The following ANKRD30B variants were observed in gnomAD, a reference collection of about 807,000 sequenced individuals.
The protein encoded by ANKRD30B is ankyrin repeat domain-containing protein 30B.
A neutral mutation model predicts 202.2 loss-of-function variants in ANKRD30B; 144 were observed. The observed-to-expected ratio is 0.71, with a 90% CI of 0.62 to 0.82. The LOEUF (loss-of-function observed/expected upper bound fraction) is 0.82, where lower values mean the gene tolerates loss of function less well. Ranked by LOEUF, ANKRD30B falls within the 40% of genes least tolerant of loss-of-function variation. The pLI is 0.00. For synonymous variants in ANKRD30B, 508 were observed against 561.3 expected, an observed-to-expected ratio of 0.91 and a Z score of 1.34; for missense variants, 1,487 against 1,669.1, an observed-to-expected ratio of 0.89 and a Z score of 1.90.
the ANKRD30B span, among the ~76,000 whole-genome samples, chr18:14,893,006 C>T: frequency 6.6e-6 from 1 of 151,616 alleles, no homozygotes; most frequent in Admixed American, 6.6e-5. Flanking sequence ...ACCAAAAATT[C>T]TTTGTAAAGA....
At chr18:14,853,325 A>G (rs1423653051) in intron 42 of ANKRD30B, among the ~76,000 whole-genome samples, 3 of 152,160 alleles carry the variant, frequency 2.0e-5, no homozygotes, top group Admixed American at 6.5e-5. Context: ...GGAGAGAAAC[A>G]TAGGAGCTGA....
At chr18:14,846,688 T>C (rs1005586405) in intron 39 of ANKRD30B, among the ~76,000 whole-genome samples, 22 of 152,102 alleles carry the variant, frequency 1.4e-4, no homozygotes, top group Non-Finnish European at 2.6e-4. Flanking sequence ...CCTTGTTTAT[T>C]GCTGGTAATG....
chr18:14,777,832 A>G (rs1967474029), intron 9 of ANKRD30B, among the ~76,000 whole-genome samples, 153 bp from the exon 10 acceptor site: 1 of 151,972 alleles, frequency 6.6e-6, no homozygotes, highest in African/African-American at 2.4e-5. Flanking sequence ...AGTCCCAGCT[A>G]CTCAGGAGGC....
In ANKRD30B at chr18:14,854,638, C is replaced by T. The variant is rs1598727316; in HGVS notation, c.*480C>T. Among the ~76,000 whole-genome samples, 1 of 152,172 alleles carries T rather than the reference C, an allele frequency of 6.6e-6. No homozygotes were observed. The highest frequency in any genetic ancestry group is 1.5e-5 in the Non-Finnish European group (1 of 68,040). On this transcript the variant is annotated 3_prime_UTR_variant, in exon 44 of 44. Transcript: ENST00000690538. ...CCATTTAGGTACAAGCCTAGACAGA[C>T]AGGAACACTTTTTTATAATTATAAA...
intron 1 of ANKRD30B, among the ~76,000 whole-genome samples, 173 bp downstream of exon 1, chr18:14,748,813 C>G (rs1912921946): frequency 6.6e-6 from 1 of 152,128 alleles, no homozygotes; most frequent in East Asian, 1.9e-4. Context: ...CCGGTCAGGC[C>G]CCCCAGGCCT....
At chr18:14,754,213 A>G (rs1473076452) in intron 3 of ANKRD30B, among the ~76,000 whole-genome samples, 1 of 152,140 alleles carries the variant, frequency 6.6e-6, no homozygotes, top group South Asian at 2.1e-4. Context: ...GGCATCTGGG[A>G]TCTTGGGATT....
intron 11 of ANKRD30B, among the ~76,000 whole-genome samples, chr18:14,782,086 T>C (rs1352941171): frequency 6.6e-6 from 1 of 152,162 alleles, no homozygotes; most frequent in African/African-American, 2.4e-5. Flanking sequence ...TTCGAAGAAG[T>C]TTTGTGTCTA....
At chr18:14,906,660 C>G in the ANKRD30B span, among the ~76,000 whole-genome samples, 1 of 152,054 alleles carries the variant, frequency 6.6e-6, no homozygotes, top group Admixed American at 6.6e-5. Flanking sequence ...ATTGCCAAAC[C>G]TCAGCTGTCA....
intron 5 of ANKRD30B, among the ~76,000 whole-genome samples, chr18:14,758,601 C>T (rs1224612413): frequency 6.6e-6 from 1 of 152,160 alleles, no homozygotes. Context: ...AGTACCAGCA[C>T]CCTGCTCTGG....
At chr18:14,824,573 T>C (rs1970587580) in intron 32 of ANKRD30B, among the ~76,000 whole-genome samples, 1 of 152,172 alleles carries the variant, frequency 6.6e-6, no homozygotes, top group East Asian at 1.9e-4. Context: ...GTAGATGAGA[T>C]GGGAGTAATG....
the ANKRD30B span, among the ~76,000 whole-genome samples, chr18:14,932,260 G>A: frequency 2.0e-5 from 3 of 151,686 alleles, no homozygotes; most frequent in Non-Finnish European, 4.4e-5. Flanking sequence ...TGAAGGCTGT[G>A]GCAGTGGCCT....
At chr18:14,900,953 A>G in the ANKRD30B span, among the ~76,000 whole-genome samples, 1 of 152,206 alleles carries the variant, frequency 6.6e-6, no homozygotes, top group African/African-American at 2.4e-5. Context: ...GGAGAAATAA[A>G]TAATTTTTTA....
chr18:14,784,725 A>T (rs1967970541), intron 14 of ANKRD30B, among the ~76,000 whole-genome samples, 190 bp downstream of exon 14: 1 of 152,164 alleles, frequency 6.6e-6, no homozygotes, highest in African/African-American at 2.4e-5. Context: ...ATTTTTTTTA[A>T]AAAAATGTAG....
At chr18:14,923,996 C>A in the ANKRD30B span, among the ~76,000 whole-genome samples, 2 of 152,166 alleles carry the variant, frequency 1.3e-5, no homozygotes. Context: ...CCAAACTCTC[C>A]ATGTACTCTG....
chr18:14,749,577 G>C (rs1213889935), intron 1 of ANKRD30B, among the ~76,000 whole-genome samples: 1 of 149,890 alleles, frequency 6.7e-6, no homozygotes, highest in African/African-American at 2.5e-5. Flanking sequence ...AGGCTGAGGC[G>C]GGAGAATTGC....
intron 7 of ANKRD30B, among the ~76,000 whole-genome samples, chr18:14,766,929 G>C (rs1354829013): frequency 6.6e-6 from 1 of 152,164 alleles, no homozygotes; most frequent in Non-Finnish European, 1.5e-5. Flanking sequence ...TAACTTACAA[G>C]TTCTTCAGTG....
chr18:14,922,270 A>G, the ANKRD30B span, among the ~76,000 whole-genome samples: 1 of 152,110 alleles, frequency 6.6e-6, no homozygotes, highest in African/African-American at 2.4e-5. Context: ...CCCTAGCCAG[A>G]GGGGTATCTC....
chr18:14,826,432 G>T (rs1371690153), intron 32 of ANKRD30B, among the ~76,000 whole-genome samples: 1 of 152,126 alleles, frequency 6.6e-6, no homozygotes, highest in African/African-American at 2.4e-5. Flanking sequence ...TAGGTATAAT[G>T]TTGATGTAGT....
intron 15 of ANKRD30B, among the ~76,000 whole-genome samples, chr18:14,789,648 A>C (rs186939256): frequency 1.7e-4 from 26 of 152,290 alleles, no homozygotes; most frequent in Admixed American, 1.2e-3. Context: ...TAAATAGGGA[A>C]TCCTTTCCCC....
Sources: gnomAD v4.1 joint callset for allele counts (sites outside exome capture counted in the v4.1 genomes callset) on GRCh38, gnomAD v4.1.1 for gene constraint, MANE v1.5 for transcripts, NCBI Gene and HGNC (gene_info 2026-07-23, HGNC 2026-07-21) for gene names.